The following PTCD3 variants were observed in gnomAD, a reference collection of about 807,000 sequenced individuals.
PTCD3 encodes the protein small ribosomal subunit protein mS39.
A neutral mutation model predicts 101.9 loss-of-function variants in PTCD3; 89 were observed. That is an observed-to-expected ratio of 0.87 (90% CI 0.74 to 1.04). The LOEUF is 1.04. Among genes scored for constraint, PTCD3 ranks in the 50% least tolerant of loss-of-function variants. The pLI, the probability that PTCD3 is intolerant of heterozygous loss-of-function variation, is 0.00. For missense variants in PTCD3, 870 were observed against 828.2 expected (o/e 1.05, Z -0.62); for synonymous variants, 296 against 278.5 (o/e 1.06, Z -0.63).
chr2:86,134,548 C>T (rs563988657), intron 20 of PTCD3, among the ~76,000 whole-genome samples, 171 bp downstream of exon 20: 11 of 152,182 alleles, frequency 7.2e-5, no homozygotes, highest in Non-Finnish European at 1.5e-4. Context: ...CTTAAAGTTA[C>T]CCTCTTTCCT....
Position 86,130,729 on chromosome 2 carries a change from C to T in PTCD3, c.1229C>T (p.Pro410Leu), listed in dbSNP as rs377530431. The T allele has an allele frequency of 2.9e-5, 46 of 1,612,880 alleles. No individual in the cohort carries two copies. Among genetic ancestry groups the T allele is most frequent in the Admixed American group, 6.7e-5 (4 of 59,908 alleles). ...GGAAAGAGATTTTCTCCAAAGGACC[C>T]GGATGATGGCATGTATAGAAATCAC... The part of the protein sequence containing the change: ...LMGKRFSPKD[P>L]DDDKFFQSAM... Residue 410 changes from proline to leucine, a missense_variant, in exon 15 of 24, where the codon CCG (proline) becomes CTG (leucine). Coordinates refer to ENST00000254630, the MANE Select transcript of PTCD3 (RefSeq NM_017952.6).
At chr2:86,114,174 T>G (rs1379633070) in intron 4 of PTCD3, among the ~76,000 whole-genome samples, 3 of 152,244 alleles carry the variant, frequency 2.0e-5, no homozygotes, top group Non-Finnish European at 4.4e-5. Flanking sequence ...TATCAAGCAC[T>G]GTGCTGGATA....
chr2:86,121,342 G>A, intron 7 of PTCD3, 137 bp from the exon 8 acceptor site: 2 of 522,106 alleles, frequency 3.8e-6, no homozygotes, highest in East Asian at 3.1e-5. Flanking sequence ...GACGTTGAGT[G>A]CATAAAGTAG....
Position 86,111,204 on chromosome 2 carries a change from A to G in PTCD3, c.240+46A>G, listed in dbSNP as rs376456526. 4.0e-6 allele frequency: 6 copies of G among 1,504,100 alleles called. No homozygotes were observed. In the African/African-American group the frequency reaches 7.0e-5, roughly 17 times the overall value. The allele number at this position is 1,504,100 out of a possible 1,614,324, so 93.2% of individuals were successfully genotyped here. ...TTTTTTAACCTAAAACTTGGCTAAT[A>G]ACACACTTTTTAACTCGGCTAATAA... On this transcript the variant is annotated intron_variant, in intron 4 of 23. Coordinates refer to ENST00000254630, the MANE Select transcript of PTCD3 (RefSeq NM_017952.6).
At chr2:86,107,025 C>A (rs1673968972) in intron 1 of PTCD3, 2 of 430,214 alleles carry the variant, frequency 4.6e-6, no homozygotes, top group Non-Finnish European at 9.8e-6. Flanking sequence ...TCCTCATCTG[C>A]AGACTAGAGT....
At chr2:86,116,667 T>A in intron 5 of PTCD3, 69 bp downstream of exon 5, 1 of 1,163,260 alleles carries the variant, frequency 8.6e-7, no homozygotes, top group Non-Finnish European at 1.3e-6. Context: ...CATAAATAAT[T>A]TAGTTGTAAT....
chr2:86,137,411 G>A lies in PTCD3; in HGVS notation c.1980-58G>A, dbSNP rs921471124. On this transcript the variant is annotated intron_variant, in intron 23 of 23. Coordinates refer to ENST00000254630, the MANE Select transcript of PTCD3 (RefSeq NM_017952.6). ...GCTATAGGTGAGTGTCAGAGACACC[G>A]AGAACCCCAGCACCCAGTTGAATTG... 52 of 1,605,988 alleles carry A rather than the reference G, an allele frequency of 3.2e-5. 1 individual carries two copies. The highest frequency in any genetic ancestry group is 4.5e-5 in the East Asian group (2 of 44,592).
intron 15 of PTCD3, 160 bp from the exon 16 acceptor site, chr2:86,130,918 A>G: frequency 2.1e-6 from 3 of 1,435,172 alleles, no homozygotes; most frequent in Non-Finnish European, 2.8e-6. Flanking sequence ...TTTCTGAGAA[A>G]GCCAAAATTG....
chr2:86,118,981 G>GAA lies in PTCD3; in HGVS notation c.476_477dup (p.Arg160AsnfsTer92), dbSNP rs1176449547. 6.2e-7 allele frequency: 1 copy of GAA among 1,614,054 alleles called. No homozygotes were observed. Among genetic ancestry groups the GAA allele is most frequent in the Non-Finnish European group, 8.5e-7 (1 of 1,179,976 alleles). On this transcript the variant is annotated frameshift_variant, in exon 7 of 24. Coordinates refer to ENST00000254630, the MANE Select transcript of PTCD3 (RefSeq NM_017952.6). LOFTEE classifies it high-confidence loss of function. ...AGACATAAGTGAAGCCGCCCTGAAG[G>GAA]AACGAATTGAGCTCAGAAAAGTCAA...
rs77630851 is a variant in PTCD3, at chr2:86,121,105, C to T, written c.539-374C>T. Among the ~76,000 whole-genome samples, 601 of 152,252 alleles carry T rather than the reference C, an allele frequency of 3.9e-3. 19 individuals carry two copies. The East Asian group carries it at 0.09, about 23-fold the overall frequency. On this transcript the variant is annotated intron_variant, in intron 7 of 23. Coordinates refer to ENST00000254630, the MANE Select transcript of PTCD3 (RefSeq NM_017952.6). ...TCTGGATCCAAATGGAATAATTCTA[C>T]TTGCATTTGTTCAAATGCACCTGGG... is the stretch of plus-strand genomic sequence containing the variant.
At chr2:86,118,420 T>A (rs1674217467) in intron 6 of PTCD3, among the ~76,000 whole-genome samples, 1 of 152,230 alleles carries the variant, frequency 6.6e-6, no homozygotes, top group Admixed American at 6.5e-5. Context: ...TACATCTCTC[T>A]GCTTCCCAAA....
intron 6 of PTCD3, among the ~76,000 whole-genome samples, chr2:86,118,359 G>C (rs1674215534): frequency 6.6e-6 from 1 of 152,132 alleles, no homozygotes; most frequent in Admixed American, 6.5e-5. Context: ...TGAGTTTGTT[G>C]GTGGAAGTAC....
rs1573843312 is a variant in PTCD3 at position 86,106,242 on chromosome 2, T to C, written c.-6T>C. ...TTTCCCAACATGCTCTGCAGAGAAA[T>C]CAAAGATGGCGGTTGTATCTGCTGT... On this transcript the variant is annotated 5_prime_UTR_variant, in exon 1 of 24. Coordinates refer to ENST00000254630, the MANE Select transcript of PTCD3 (RefSeq NM_017952.6). 6.2e-7 allele frequency: 1 copy of C among 1,613,822 alleles called. No individual in the cohort carries two copies. Among genetic ancestry groups the C allele is most frequent in the Non-Finnish European group, 8.5e-7 (1 of 1,179,860 alleles).
In PTCD3 at chr2:86,139,090, C is replaced by T. The variant is rs1674642237; in HGVS notation, c.*1531C>T. 1 of 152,352 alleles carries T rather than the reference C, an allele frequency of 6.6e-6. No individual in the cohort carries two copies. Among genetic ancestry groups the T allele is most frequent in the South Asian group, 2.1e-4 (1 of 4,828 alleles). The allele number at this position is 152,352 out of a possible 1,614,324, so 9.4% of individuals were successfully genotyped here. ...GTTTGTGGTACAGATCCTCCAAACC[C>T]ATACTCTGAGCAATTAACTGCCTTG... On this transcript the variant is annotated 3_prime_UTR_variant, in exon 24 of 24. Transcript: ENST00000254630.
chr2:86,133,080 T>G, intron 17 of PTCD3, 98 bp from the exon 18 acceptor site: 1 of 1,471,730 alleles, frequency 6.8e-7, no homozygotes, highest in Non-Finnish European at 9.0e-7. Flanking sequence ...ATTTTGAAAT[T>G]CTTTGTAACA....
At chr2:86,133,040 T>C (rs1298139908) in intron 17 of PTCD3, 138 bp from the exon 18 acceptor site, 4 of 1,387,174 alleles carry the variant, frequency 2.9e-6, no homozygotes, top group Non-Finnish European at 3.8e-6. Context: ...TTAAACCAAA[T>C]ATTGGCTCGT....
intron 1 of PTCD3, among the ~76,000 whole-genome samples, chr2:86,107,640 A>G (rs962759627): frequency 6.6e-5 from 10 of 152,264 alleles, no homozygotes; most frequent in African/African-American, 1.2e-4. Context: ...AAAGGATTTC[A>G]TATTGAACCT....
In PTCD3 at chr2:86,106,921, A is replaced by G. The variant is rs1362926154; in HGVS notation, c.104+570A>G. Among the ~76,000 whole-genome samples, 7 of 152,310 alleles carry G rather than the reference A, an allele frequency of 4.6e-5. No individual in the cohort carries two copies. In the East Asian group the frequency reaches 1.3e-3, roughly 29 times the overall value. ...GTACAAACAGTGGCATTGTGGGAAT[A>G]TGAGAGGCAGTAATTTGTAGTGAAA... On this transcript the variant is annotated intron_variant, in intron 1 of 23. Coordinates refer to ENST00000254630, the MANE Select transcript of PTCD3 (RefSeq NM_017952.6).
At chr2:86,135,974 C>T (rs765596808) in intron 21 of PTCD3, 5 of 519,166 alleles carry the variant, frequency 9.6e-6, no homozygotes, top group Admixed American at 1.9e-5. Context: ...ATGGGGAGCA[C>T]TTACATGAGA....
Sources: gnomAD v4.1 joint callset for allele counts (sites outside exome capture counted in the v4.1 genomes callset) on GRCh38, gnomAD v4.1.1 for gene constraint, MANE v1.5 for transcripts, NCBI Gene and HGNC (gene_info 2026-07-23, HGNC 2026-07-21) for gene names.